Variants in ADGRV1 observed in about 807,000 individuals in gnomAD.
The protein encoded by ADGRV1 is G-protein coupled receptor 98.
In ADGRV1, 359 loss-of-function variants were observed where a neutral mutation model predicts 596.2. That is an observed-to-expected ratio of 0.60 (90% CI 0.55 to 0.66). The LOEUF is 0.66. ADGRV1 is among the 30% of genes least tolerant of loss of function. The pLI, the probability that ADGRV1 is intolerant of heterozygous loss-of-function variation, is 0.00. For missense variants in ADGRV1, 7,274 were observed against 7,575.6 expected (o/e 0.96, Z 1.48); for synonymous variants, 2,681 against 2,679.2 (o/e 1.00, Z -0.02).
intron 89 of ADGRV1, among the ~76,000 whole-genome samples, chr5:91,160,092 T>C (rs1309113297): frequency 6.6e-6 from 1 of 152,198 alleles, no homozygotes; most frequent in African/African-American, 2.4e-5. Flanking sequence ...ATCAATGTCA[T>C]GGTAAACATT....
intron 85 of ADGRV1, among the ~76,000 whole-genome samples, chr5:90,995,256 T>C (rs947868367): frequency 3.9e-5 from 6 of 152,214 alleles, no homozygotes; most frequent in Non-Finnish European, 5.9e-5. Flanking sequence ...ACCCAAGGAA[T>C]AGATTTTTTG....
At chr5:90,784,202 G>A in intron 67 of ADGRV1, 145 bp downstream of exon 67, 1 of 588,428 alleles carries the variant, frequency 1.7e-6, no homozygotes, top group Non-Finnish European at 2.9e-6. Flanking sequence ...CAGCTTTTGA[G>A]CCAGATTAAG....
rs758505511 is a variant in ADGRV1, at chr5:90,629,304, G to A, written c.1604G>A (p.Arg535Gln). The A allele has an allele frequency of 6.2e-6, 10 of 1,613,316 alleles. No individual in the cohort carries two copies. The Admixed American group carries it at 6.7e-5, about 11-fold the overall frequency. The change falls in exon 9 of 90, where the codon CGA becomes CAA. Residue 535 changes from arginine to glutamine, a missense_variant. Physicochemically the swap from Arg to Gln is conservative, Grantham distance 43. Around this residue, in one of 5 missense-constraint regions of ADGRV1, gnomAD observed 1,715 missense variants for 1,708.8 expected, o/e 1.00. Coordinates refer to ENST00000405460, the MANE Select transcript of ADGRV1 (RefSeq NM_032119.4). ...AAGATTGAAAGCAGCCCAGGTGAAC[G>A]ATACTTATCCTTGAGTTTTACAAGA... is the stretch of plus-strand genomic sequence containing the variant. ...NQKIESSPGE[R>Q]YLSLSFTRLG... is the part of the protein sequence containing the mutation.
rs765200954 is a variant in ADGRV1 at position 90,647,592 on chromosome 5, T to C, written c.3117T>C (p.Ala1039=). Residue 1039 remains alanine (A), a synonymous_variant, in exon 17 of 90, where the codon GCT becomes GCC. Transcript: ENST00000405460. ...SVDVTCMVQY[A]TKDGKATARE... ...ATGTGACTTGCATGGTCCAGTATGC[T>C]ACCAAGGATGGGAAGGCTACTGCAA... is the stretch of plus-strand genomic sequence containing the variant. 6.8e-6 allele frequency: 11 copies of C among 1,613,840 alleles called. No homozygotes were observed. The highest frequency in any genetic ancestry group is 8.5e-6 in the Non-Finnish European group (10 of 1,179,870).
At chr5:90,655,537 A>G (rs982084520) in intron 20 of ADGRV1, 8 of 152,208 alleles carry the variant, frequency 5.3e-5, no homozygotes, top group African/African-American at 9.7e-5. Flanking sequence ...TATGCCTGCC[A>G]TATGCATTTC....
intron 85 of ADGRV1, among the ~76,000 whole-genome samples, chr5:91,045,833 T>A (rs1785757264): frequency 1.3e-5 from 2 of 152,138 alleles, no homozygotes; most frequent in South Asian, 4.1e-4. Context: ...AGTTTCTGGA[T>A]ACAAAATTAA....
chr5:90,999,041 A>T (rs887795108), intron 85 of ADGRV1, among the ~76,000 whole-genome samples: 3 of 151,620 alleles, frequency 2.0e-5, no homozygotes, highest in Admixed American at 2.0e-4. Context: ...CCCTACATTA[A>T]TTTTTCTGAT....
intron 57 of ADGRV1, 86 bp from the exon 58 acceptor site, chr5:90,759,323 T>G (rs543738527): frequency 9.9e-6 from 10 of 1,008,308 alleles, no homozygotes; most frequent in South Asian, 1.7e-5. Flanking sequence ...CAGCAAAAAC[T>G]GTGATTACAT....
chr5:90,829,123 C>A lies in ADGRV1; in HGVS notation c.16548C>A (p.Ile5516=). The change falls in exon 77 of 90, where the codon ATC becomes ATA. Residue 5516 remains isoleucine (I), a synonymous_variant. Coordinates refer to ENST00000405460, the MANE Select transcript of ADGRV1 (RefSeq NM_032119.4). The part of the protein sequence containing the change: ...LAVAHKKATL[I]SLQVARDSGT... ...TGGCTCACAAGAAGGCCACTTTAAT[C>A]AGTCTGCAGGTGGCCAGAGATTCTG... The A allele has an allele frequency of 6.2e-7, 1 of 1,611,550 alleles. No homozygotes were observed. Among genetic ancestry groups the A allele is most frequent in the South Asian group, 1.1e-5 (1 of 90,738 alleles).
intron 83 of ADGRV1, among the ~76,000 whole-genome samples, chr5:90,866,772 ATTATAT>A (rs1768160664): frequency 6.6e-6 from 1 of 152,146 alleles, no homozygotes; most frequent in Non-Finnish European, 1.5e-5. Context: ...TAGCTTCATC[ATTATAT>A]TTATGAGCAT....
At chr5:90,729,255 G>T (rs1752208878) in intron 49 of ADGRV1, among the ~76,000 whole-genome samples, 1 of 152,116 alleles carries the variant, frequency 6.6e-6, no homozygotes, top group Non-Finnish European at 1.5e-5. Flanking sequence ...TACTTGATGT[G>T]CCATGAATAA....
intron 2 of ADGRV1, among the ~76,000 whole-genome samples, chr5:90,616,647 T>C (rs1763401838): frequency 6.6e-6 from 1 of 152,174 alleles, no homozygotes; most frequent in Non-Finnish European, 1.5e-5. Flanking sequence ...GTATACAATG[T>C]GTAATGATCA....
At chr5:91,070,911 A>C (rs1406905602) in intron 85 of ADGRV1, among the ~76,000 whole-genome samples, 1 of 152,212 alleles carries the variant, frequency 6.6e-6, no homozygotes, top group African/African-American at 2.4e-5. Context: ...AAGATTGTGG[A>C]GATGACAAGA....
At chr5:91,157,615 C>T (rs577790230) in intron 89 of ADGRV1, among the ~76,000 whole-genome samples, 39 of 152,186 alleles carry the variant, frequency 2.6e-4, no homozygotes, top group African/African-American at 7.9e-4. Context: ...TAAATTAGAA[C>T]TTAATTTTTT....
intron 85 of ADGRV1, among the ~76,000 whole-genome samples, chr5:91,069,268 A>C (rs181330053): frequency 5.0e-4 from 76 of 152,300 alleles, no homozygotes; most frequent in Admixed American, 9.2e-4. Flanking sequence ...TATGACCCCA[A>C]AAGCAATTGC....
chr5:90,675,879 A>G (rs1279056716), intron 24 of ADGRV1, among the ~76,000 whole-genome samples: 1 of 152,242 alleles, frequency 6.6e-6, no homozygotes, highest in Non-Finnish European at 1.5e-5. Flanking sequence ...TAATTGGAGA[A>G]TATTTATTTA....
At chr5:90,678,807 C>G (rs1177860889) in intron 25 of ADGRV1, among the ~76,000 whole-genome samples, 2 of 151,762 alleles carry the variant, frequency 1.3e-5, no homozygotes, top group Non-Finnish European at 2.9e-5. Flanking sequence ...CCTTACAGGT[C>G]CCAATTCTCA....
At chr5:91,146,206 C>T (rs1011376838) in intron 87 of ADGRV1, among the ~76,000 whole-genome samples, 12 of 152,018 alleles carry the variant, frequency 7.9e-5, no homozygotes, top group Non-Finnish European at 1.2e-4. Flanking sequence ...TACTTGCTTC[C>T]GAAACATCAG....
At chr5:90,822,102 G>C (rs1383427247) in intron 75 of ADGRV1, 1 of 154,668 alleles carries the variant, frequency 6.5e-6, no homozygotes, top group Non-Finnish European at 1.4e-5. Flanking sequence ...AGCCAGGTGC[G>C]GGATATAATC....
Sources: gnomAD v4.1 joint callset for allele counts (sites outside exome capture counted in the v4.1 genomes callset) on GRCh38, gnomAD v4.1.1 for gene constraint, gnomAD v4.1.1 regional missense constraint, MANE v1.5 for transcripts, NCBI Gene and HGNC (gene_info 2026-07-23, HGNC 2026-07-21) for gene names.